Variants in GSE1 observed in about 807,000 individuals in gnomAD.
The protein encoded by GSE1 is Gse1 coiled-coil protein, also known as genetic suppressor element 1.
A neutral mutation model predicts 112.6 loss-of-function variants in GSE1; 32 were observed. The ratio of observed to expected loss-of-function variants is 0.28; its 90% CI spans 0.21 to 0.38. The LOEUF is 0.38. Among genes scored for constraint, GSE1 ranks in the 10% least tolerant of loss-of-function variants. GSE1 has a pLI of 1.00. For synonymous variants in GSE1, 1,115 were observed against 735.6 expected (o/e 1.52, Z -8.35); for missense variants, 2,348 against 1,699.2 (o/e 1.38, Z -6.71).
chr16:85,650,653 G>A (rs1189587289), intron 3 of GSE1, among the ~76,000 whole-genome samples: 1 of 152,198 alleles, frequency 6.6e-6, no homozygotes, highest in African/African-American at 2.4e-5. Flanking sequence ...CCACCGCGGC[G>A]CTTAATGGAA....
At chr16:85,272,341 T>TC (rs1433185518) in intron 1 of GSE1, among the ~76,000 whole-genome samples, 1 of 152,260 alleles carries the variant, frequency 6.6e-6, no homozygotes, top group Non-Finnish European at 1.5e-5. Flanking sequence ...GCCTTTGCCA[T>TC]CCCTGGAGTG....
intron 1 of GSE1, among the ~76,000 whole-genome samples, chr16:85,621,350 A>G (rs909870567): frequency 3.9e-5 from 6 of 152,192 alleles, no homozygotes; most frequent in Admixed American, 3.3e-4. Flanking sequence ...CTCTTGAAAA[A>G]GGTTTGTGTC....
intron 2 of GSE1, among the ~76,000 whole-genome samples, chr16:85,437,212 G>T (rs775530529): frequency 6.6e-6 from 1 of 152,120 alleles, no homozygotes; most frequent in African/African-American, 2.4e-5. Context: ...CTCCGCCGCC[G>T]GGCTCCCCAA....
chr16:85,222,288 C>G (rs2075407648), intron 1 of GSE1, among the ~76,000 whole-genome samples: 1 of 152,202 alleles, frequency 6.6e-6, no homozygotes. Flanking sequence ...AGCATGGGAG[C>G]CCAGGTCCCG....
chr16:85,440,530 A>G (rs1213994281), intron 2 of GSE1, among the ~76,000 whole-genome samples: 4 of 152,184 alleles, frequency 2.6e-5, no homozygotes, highest in African/African-American at 9.7e-5. Context: ...CCACCCCAGA[A>G]TGAGGACTCG....
At chr16:85,564,625 C>G (rs574369990) in intron 1 of GSE1, among the ~76,000 whole-genome samples, 2 of 152,330 alleles carry the variant, frequency 1.3e-5, no homozygotes, top group African/African-American at 4.8e-5. Context: ...ACTCCTGCCC[C>G]GTTGCTCAGC....
intron 1 of GSE1, among the ~76,000 whole-genome samples, chr16:85,326,565 T>G (rs2046232030): frequency 6.6e-6 from 1 of 152,268 alleles, no homozygotes; most frequent in Non-Finnish European, 1.5e-5. Context: ...CTGTCTCTCC[T>G]GTCGCCTTGT....
intron 2 of GSE1, chr16:85,359,389 A>G (rs746535062): frequency 1.4e-4 from 65 of 455,948 alleles, no homozygotes; most frequent in Non-Finnish European, 2.4e-4. Context: ...CCGGAGCAGA[A>G]CAAGGCCCAG....
intron 1 of GSE1, among the ~76,000 whole-genome samples, chr16:85,326,014 TG>T (rs1349149820): frequency 1.3e-5 from 2 of 152,348 alleles, no homozygotes; most frequent in East Asian, 3.9e-4. Context: ...CCCAAAGTGC[TG>T]GGATTACAGG....
At chr16:85,237,979 A>G (rs1019710515) in intron 1 of GSE1, among the ~76,000 whole-genome samples, 1 of 152,184 alleles carries the variant, frequency 6.6e-6, no homozygotes, top group Non-Finnish European at 1.5e-5. Flanking sequence ...AGTTGAATGA[A>G]TGAATGAATG....
At chr16:85,386,205 G>T (rs891615699) in intron 2 of GSE1, among the ~76,000 whole-genome samples, 12 of 152,168 alleles carry the variant, frequency 7.9e-5, no homozygotes, top group Non-Finnish European at 1.8e-4. Flanking sequence ...TCAGCATTGT[G>T]GCCAGCAGAG....
intron 1 of GSE1, among the ~76,000 whole-genome samples, chr16:85,585,223 T>A (rs896092461): frequency 1.3e-5 from 2 of 152,218 alleles, no homozygotes; most frequent in Admixed American, 6.5e-5. Context: ...CAGCCCTGCC[T>A]GCCCTGCTGT....
chr16:85,622,202 G>C (rs575222997), intron 1 of GSE1, among the ~76,000 whole-genome samples: 1 of 152,320 alleles, frequency 6.6e-6, no homozygotes, highest in African/African-American at 2.4e-5. Flanking sequence ...GCGCATGACT[G>C]TTATGGGAGC....
intron 1 of GSE1, among the ~76,000 whole-genome samples, chr16:85,571,620 G>T (rs139153096): frequency 6.6e-6 from 1 of 152,222 alleles, no homozygotes; most frequent in Non-Finnish European, 1.5e-5. Flanking sequence ...GGTCTTTGCC[G>T]TGTTTGGGGC....
rs546923581 is a variant in GSE1, at chr16:85,674,955, A to G, written c.*2416A>G. The stretch of plus-strand genomic sequence containing the variant: ...ACGACAATCAGAATACAAACCAGTA[A>G]GGCAACACGAATAAACTAAGAAAAA... On this transcript the variant is annotated 3_prime_UTR_variant, in exon 16 of 16. Coordinates refer to ENST00000253458, the MANE Select transcript of GSE1 (RefSeq NM_014615.5). The G allele has an allele frequency of 1.3e-5, 2 of 152,674 alleles. No homozygotes were observed. Among genetic ancestry groups the G allele is most frequent in the Non-Finnish European group, 2.9e-5 (2 of 68,048 alleles). The allele number at this position is 152,674 out of a possible 1,614,324, so 9.5% of individuals were successfully genotyped here. A position where few individuals can be genotyped will look rare whatever the true frequency, so the allele number is the denominator to read the frequency against.
At chr16:85,518,916 G>C (rs749617038) in intron 2 of GSE1, among the ~76,000 whole-genome samples, 53 of 152,114 alleles carry the variant, frequency 3.5e-4, no homozygotes, top group Non-Finnish European at 6.3e-4. Flanking sequence ...TTTGTCCTCC[G>C]CTGGCTCGTG....
At chr16:85,533,351 C>T (rs1397590270) in intron 2 of GSE1, among the ~76,000 whole-genome samples, 1 of 151,754 alleles carries the variant, frequency 6.6e-6, no homozygotes, top group African/African-American at 2.4e-5. Context: ...AACTGGGAGG[C>T]GGAGGTTGCA....
intron 2 of GSE1, among the ~76,000 whole-genome samples, chr16:85,509,494 C>T (rs1286574800): frequency 6.6e-6 from 1 of 152,244 alleles, no homozygotes; most frequent in East Asian, 1.9e-4. Context: ...GGGTCATCGT[C>T]CTTGGTCACC....
chr16:85,357,651 C>T (rs1327320467), intron 2 of GSE1: 2 of 1,287,666 alleles, frequency 1.6e-6, no homozygotes, highest in Non-Finnish European at 2.0e-6. Flanking sequence ...CAGGTAGACG[C>T]CAGCTCTTTT....
Sources: allele counts gnomAD v4.1 joint callset (sites outside exome capture counted in the v4.1 genomes callset), GRCh38; gene constraint gnomAD v4.1.1; transcripts MANE v1.5; gene names NCBI Gene and HGNC (gene_info 2026-07-23, HGNC 2026-07-21).